Variants in NAV2 observed in about 807,000 individuals in gnomAD.
NAV2 encodes helicase, APC down-regulated 1.
In NAV2, 54 loss-of-function variants were observed where a neutral mutation model predicts 223.2. The ratio of observed to expected loss-of-function variants is 0.24; its 90% confidence interval spans 0.19 to 0.30. The LOEUF (loss-of-function observed/expected upper bound fraction) is 0.30, where lower values mean the gene tolerates loss of function less well. NAV2 is among the 10% of genes least tolerant of loss of function. The pLI is 1.00. For synonymous variants in NAV2, 1,279 were observed against 1,239.3 expected (o/e 1.03, Z -0.67); for missense variants, 2,806 against 3,147.5 (o/e 0.89, Z 2.60).
chr11:19,905,624 C>T (rs2042805392), intron 6 of NAV2, among the ~76,000 whole-genome samples: 1 of 152,126 alleles, frequency 6.6e-6, no homozygotes, highest in Non-Finnish European at 1.5e-5. Flanking sequence ...AATGAACCTT[C>T]TTAGGGGGCC....
chr11:19,888,492 A>C (rs549623955), intron 5 of NAV2, among the ~76,000 whole-genome samples: 1 of 152,336 alleles, frequency 6.6e-6, no homozygotes, highest in African/African-American at 2.4e-5. Flanking sequence ...GGATGTTACC[A>C]ATAATGAATC....
chr11:19,883,037 T>C (rs570137991), intron 5 of NAV2, among the ~76,000 whole-genome samples: 16 of 152,218 alleles, frequency 1.1e-4, no homozygotes, highest in African/African-American at 3.6e-4. Flanking sequence ...AATTCTATCT[T>C]TGATAACCAA....
intron 6 of NAV2, among the ~76,000 whole-genome samples, chr11:19,894,871 C>A (rs1017635828): frequency 5.9e-5 from 9 of 152,146 alleles, no homozygotes; most frequent in Non-Finnish European, 1.2e-4. Flanking sequence ...GCTGGGATTA[C>A]AGGCATGTGC....
chr11:19,781,486 A>G (rs1442032871), intron 1 of NAV2, among the ~76,000 whole-genome samples: 1 of 152,042 alleles, frequency 6.6e-6, no homozygotes, highest in Admixed American at 6.6e-5. Context: ...AATGAAGGAG[A>G]AAGTGGCTCT....
At position 19,713,890 on chromosome 11, in the gene NAV2, G is replaced by A. The variant is rs144628412; in HGVS notation, c.195G>A (p.Gly65=). The A allele has an allele frequency of 6.4e-5, 104 of 1,613,646 alleles. No homozygotes were observed. The African/African-American group carries it at 1.3e-3, about 19-fold the overall frequency. Residue 65 remains glycine, a synonymous_variant, in exon 1 of 38, where the codon GGG becomes GGA. Coordinates refer to ENST00000349880, the MANE Select transcript of NAV2 (RefSeq NM_145117.5). This position sits in a 1 kb window ranked among gnomAD's most constrained non-coding sequence, Gnocchi z 7.2. ...QIPLKSQVLQ[G]LQEPAGEGLP... ...CCCTGAAATCGCAGGTGCTGCAGGG[G>A]CTGCAGGAGCCAGCGGGGGAGGGGC...
intron 1 of NAV2, among the ~76,000 whole-genome samples, chr11:19,678,039 G>T (rs1191919957): frequency 6.6e-6 from 1 of 152,166 alleles, no homozygotes; most frequent in Non-Finnish European, 1.5e-5. Flanking sequence ...GTTGGGGACT[G>T]GCCAGAGACC....
At chr11:19,571,373 C>T (rs1030861751) in intron 1 of NAV2, among the ~76,000 whole-genome samples, 7 of 152,134 alleles carry the variant, frequency 4.6e-5, no homozygotes, top group African/African-American at 9.7e-5. Context: ...GTGAAGGCTA[C>T]GCAGCATTAT....
chr11:20,053,073 CT>C (rs1404841319), intron 17 of NAV2, among the ~76,000 whole-genome samples: 1 of 151,820 alleles, frequency 6.6e-6, no homozygotes, highest in African/African-American at 2.4e-5. Context: ...AAAAAATTAG[CT>C]GGGCATGGTG....
chr11:19,720,044 A>C (rs548577272), intron 1 of NAV2, among the ~76,000 whole-genome samples: 1 of 152,232 alleles, frequency 6.6e-6, no homozygotes, highest in African/African-American at 2.4e-5. Context: ...CTGAGGGCAG[A>C]AGGAAAGCCC....
chr11:19,848,038 A>C (rs1411139492), intron 3 of NAV2, among the ~76,000 whole-genome samples: 1 of 152,174 alleles, frequency 6.6e-6, no homozygotes, highest in African/African-American at 2.4e-5. Context: ...TGAACCCCAG[A>C]GGCCAGCTCA....
At chr11:20,114,322 C>T (rs1306512919) in intron 36 of NAV2, 4 of 527,314 alleles carry the variant, frequency 7.6e-6, no homozygotes, top group South Asian at 2.3e-5. Context: ...TAGGGTCACA[C>T]GGTGAGTCAG....
At chr11:19,968,566 G>A (rs1331472123) in intron 10 of NAV2, among the ~76,000 whole-genome samples, 1 of 152,096 alleles carries the variant, frequency 6.6e-6, no homozygotes, top group African/African-American at 2.4e-5. Context: ...TGTTGAATGT[G>A]CTCTCTCAGT....
intron 1 of NAV2, among the ~76,000 whole-genome samples, chr11:19,800,215 C>G (rs768348382): frequency 4.6e-5 from 7 of 152,204 alleles, no homozygotes; most frequent in African/African-American, 1.7e-4. Flanking sequence ...GTTTGCTGTC[C>G]TCGCTGGCAG....
In NAV2 at chr11:19,948,868, C is replaced by T; in HGVS notation, c.2433C>T (p.Ser811=). The part of the protein sequence containing the change: ...GNGYPPRANA[S]RFINTESGRY... Reference sequence around the variant, plus strand: ...GGTATCCCCCTCGAGCCAACGCCAGCAGGTTCATCAACACTGAGTCAGGTC... The same window carrying T: ...GGTATCCCCCTCGAGCCAACGCCAGTAGGTTCATCAACACTGAGTCAGGTC... Residue 811 remains serine (S), a synonymous_variant, in exon 10 of 38, where the codon AGC becomes AGT. Transcript: ENST00000349880. 1 of 1,614,096 alleles carries T rather than the reference C, an allele frequency of 6.2e-7. No individual in the cohort carries two copies. The highest frequency in any genetic ancestry group is 8.5e-7 in the Non-Finnish European group (1 of 1,180,018).
intron 1 of NAV2, among the ~76,000 whole-genome samples, chr11:19,517,376 G>C (rs1175597118): frequency 6.6e-6 from 1 of 152,188 alleles, no homozygotes. Flanking sequence ...CAAACCTCTA[G>C]AGTTTTGATT....
chr11:19,869,317 G>A (rs1449884490), intron 4 of NAV2, among the ~76,000 whole-genome samples: 1 of 152,116 alleles, frequency 6.6e-6, no homozygotes, highest in Admixed American at 6.5e-5. Context: ...ATCAAGTCAG[G>A]CCTCATCTAT....
chr11:19,643,779 C>A (rs1308162669), intron 1 of NAV2, among the ~76,000 whole-genome samples: 1 of 152,186 alleles, frequency 6.6e-6, no homozygotes, highest in Non-Finnish European at 1.5e-5. Context: ...ACAGTCCCAC[C>A]AACAGTGTAA....
intron 1 of NAV2, among the ~76,000 whole-genome samples, chr11:19,753,403 T>A (rs1351686418): frequency 6.6e-6 from 1 of 152,136 alleles, no homozygotes; most frequent in African/African-American, 2.4e-5. Flanking sequence ...TTTTGATATC[T>A]CTGAAATGGG....
intron 11 of NAV2, among the ~76,000 whole-genome samples, chr11:20,032,845 G>A (rs2055913848): frequency 6.6e-6 from 1 of 152,234 alleles, no homozygotes; most frequent in Non-Finnish European, 1.5e-5. Flanking sequence ...GAGTTTGTCA[G>A]GAGGTATTTA....
Sources: allele counts gnomAD v4.1 joint callset (sites outside exome capture counted in the v4.1 genomes callset), GRCh38; gene constraint gnomAD v4.1.1; non-coding constraint Gnocchi (gnomAD v3.1); transcripts MANE v1.5; gene names NCBI Gene and HGNC (gene_info 2026-07-23, HGNC 2026-07-21).